EXOC4: variants seen among roughly 807,000 people sequenced by gnomAD.
EXOC4 encodes exocyst complex component 4, also known as SEC8-like 1.
Under a neutral mutation model 107.2 loss-of-function variants are expected in EXOC4, and 71 were observed. The observed-to-expected ratio is 0.66, with a 90% CI of 0.55 to 0.81. EXOC4 has a LOEUF of 0.81. EXOC4 is among the 30% of genes least tolerant of loss of function. The pLI is 0.00. For missense variants in EXOC4, 1,108 were observed against 1,189.6 expected, an observed-to-expected ratio of 0.93 and a Z score of 1.01; for synonymous variants, 456 against 441.2, an observed-to-expected ratio of 1.03 and a Z score of -0.42.
intron 8 of EXOC4, among the ~76,000 whole-genome samples, chr7:133,478,249 C>T (rs1329553749): frequency 2.7e-5 from 4 of 150,802 alleles, no homozygotes; most frequent in Non-Finnish European, 4.4e-5. Flanking sequence ...GACTTTCAAC[C>T]TCAGTCAGAC....
At chr7:133,538,094 G>T (rs1800308818) in intron 9 of EXOC4, among the ~76,000 whole-genome samples, 2 of 152,126 alleles carry the variant, frequency 1.3e-5, no homozygotes, top group South Asian at 4.1e-4. Flanking sequence ...TGGATAACTT[G>T]CCCAAGACCC....
In EXOC4 at chr7:133,586,017, A is replaced by C. The variant is rs140330226; in HGVS notation, c.1418-44028A>C. 3.9e-4 allele frequency among the ~76,000 whole-genome samples: 59 copies of C among 152,246 alleles called. 1 individual carries two copies. Among genetic ancestry groups the C allele is most frequent in the Admixed American group, 1.2e-3 (18 of 15,290 alleles). On this transcript the variant is annotated intron_variant, in intron 9 of 17. Transcript: ENST00000253861. ...GTCTAGAAATATATACAGTTTTAAT[A>C]ATGGTAAGTGCTAAGGAGAAAAAGG...
At chr7:133,980,687 A>G (rs140765940) in intron 14 of EXOC4, among the ~76,000 whole-genome samples, 8 of 152,346 alleles carry the variant, frequency 5.3e-5, no homozygotes, top group East Asian at 1.9e-4. Context: ...TGTGTAGTCA[A>G]CTGATAGAGA....
At chr7:134,068,137 ACT>A (rs1796212073), downstream of EXOC4, among the ~76,000 whole-genome samples, 1 of 151,742 alleles carries the variant, frequency 6.6e-6, no homozygotes, top group Non-Finnish European at 1.5e-5. Flanking sequence ...TCCTCTTGAA[ACT>A]CTTGACACCA....
chr7:133,538,857 AAG>A (rs1554469398), intron 9 of EXOC4, among the ~76,000 whole-genome samples: 6,195 of 72,090 alleles, frequency 0.086, 741 homozygotes, highest in African/African-American at 0.3. Context: ...GAAAGAAAGA[AAG>A]AGAGAGAGAG....
chr7:133,784,475 G>A (rs1474278174), intron 10 of EXOC4, among the ~76,000 whole-genome samples: 2 of 152,140 alleles, frequency 1.3e-5, no homozygotes, highest in Non-Finnish European at 2.9e-5. Flanking sequence ...AGGGGATAGA[G>A]CACAGGCCTT....
At chr7:134,093,810 T>G in the EXOC4 span, among the ~76,000 whole-genome samples, 1 of 152,176 alleles carries the variant, frequency 6.6e-6, no homozygotes, top group African/African-American at 2.4e-5. Context: ...TTAAACAACT[T>G]GCTCCTGAAT....
intron 4 of EXOC4, 98 bp from the exon 5 acceptor site, chr7:133,317,186 C>A: frequency 1.3e-6 from 1 of 761,044 alleles, no homozygotes; most frequent in Non-Finnish European, 2.3e-6. Context: ...GTAAAGAGGG[C>A]TCATGACAAA....
At chr7:133,855,128 A>AATATATATAAATATATATATATAAAT (rs1798341617) in intron 11 of EXOC4, among the ~76,000 whole-genome samples, 1 of 64,816 alleles carries the variant, frequency 1.5e-5, no homozygotes, top group Non-Finnish European at 2.7e-5. Flanking sequence ...TATATATATA[A>AATATATATAAATATATATATATAAAT]ATATATATAT....
At position 133,630,124 on chromosome 7, in the gene EXOC4, A is replaced by G; in HGVS notation, c.1497A>G (p.Ile499Met). Residue 499 changes from isoleucine (I) to methionine (M), a missense_variant, in exon 10 of 18, where the codon ATA becomes ATG. Transcript: ENST00000253861. ...CKPGARNITVIFHPLLRFIQE... is the reference protein window; with the variant it reads ...CKPGARNITVMFHPLLRFIQE... ...CTGGAGCCAGAAACATTACCGTCAT[A>G]TTCCACCCATTACTAAGGTAAGTCA... The G allele has an allele frequency of 6.2e-7, 1 of 1,613,310 alleles. No individual in the cohort carries two copies. Among genetic ancestry groups the G allele is most frequent in the Non-Finnish European group, 8.5e-7 (1 of 1,179,298 alleles).
chr7:133,681,086 T>G (rs183269374), intron 10 of EXOC4, among the ~76,000 whole-genome samples: 4 of 152,312 alleles, frequency 2.6e-5, no homozygotes, highest in African/African-American at 9.6e-5. Context: ...CTTATGCCTG[T>G]GTGTTTTGAC....
At chr7:134,066,566 G>T (rs1053139836), downstream of EXOC4, 2 of 152,126 alleles carry the variant, frequency 1.3e-5, no homozygotes, top group Admixed American at 1.3e-4. Flanking sequence ...TTCTTTGAAG[G>T]TTGGCACATC....
At chr7:133,514,749 A>G (rs1799840866) in intron 9 of EXOC4, among the ~76,000 whole-genome samples, 1 of 152,204 alleles carries the variant, frequency 6.6e-6, no homozygotes, top group African/African-American at 2.4e-5. Flanking sequence ...AGTTGATTAC[A>G]TAGCAAGGAA....
At chr7:133,495,897 GA>G (rs1175271388) in intron 9 of EXOC4, among the ~76,000 whole-genome samples, 2 of 152,112 alleles carry the variant, frequency 1.3e-5, no homozygotes, top group Non-Finnish European at 2.9e-5. Context: ...TACCATTATA[GA>G]AATTGATAAG....
intron 11 of EXOC4, among the ~76,000 whole-genome samples, chr7:133,827,078 CAA>C (rs1430213043): frequency 2.0e-5 from 3 of 152,252 alleles, no homozygotes; most frequent in African/African-American, 7.2e-5. Context: ...GTAGTTGCTT[CAA>C]AAGAGTATTT....
At chr7:133,720,955 A>T (rs1795093924) in intron 10 of EXOC4, among the ~76,000 whole-genome samples, 2 of 152,214 alleles carry the variant, frequency 1.3e-5, no homozygotes, top group African/African-American at 2.4e-5. Flanking sequence ...TTCCTACATT[A>T]AATGTGTAGC....
chr7:133,367,306 A>G (rs953771939), intron 6 of EXOC4, among the ~76,000 whole-genome samples: 3 of 152,114 alleles, frequency 2.0e-5, no homozygotes, highest in African/African-American at 7.2e-5. Context: ...CCTGAGAAGG[A>G]ATAACTGGAG....
chr7:133,331,461 C>CTTTTTTTTTTTT (rs58568173), intron 5 of EXOC4, among the ~76,000 whole-genome samples: 1 of 85,596 alleles, frequency 1.2e-5, no homozygotes, highest in Non-Finnish European at 2.3e-5. Flanking sequence ...TTTCTTTTTT[C>CTTTTTTTTTTTT]TTTTTTTTTT....
At chr7:133,467,180 A>G (rs1479032343) in intron 7 of EXOC4, among the ~76,000 whole-genome samples, 1 of 151,600 alleles carries the variant, frequency 6.6e-6, no homozygotes, top group African/African-American at 2.4e-5. Context: ...CATAATTTTT[A>G]AAATCCCTCA....
Sources: allele counts gnomAD v4.1 joint callset (sites outside exome capture counted in the v4.1 genomes callset), GRCh38; gene constraint gnomAD v4.1.1; transcripts MANE v1.5; gene names NCBI Gene and HGNC (gene_info 2026-07-23, HGNC 2026-07-21).